Variants in PRRC2B observed in about 807,000 individuals in gnomAD.
PRRC2B encodes the protein proline rich coiled-coil 2B, also known as protein PRRC2B.
A neutral mutation model predicts 242.3 loss-of-function variants in PRRC2B; 68 were observed. The ratio of observed to expected loss-of-function variants is 0.28; its 90% CI spans 0.23 to 0.34. PRRC2B has a LOEUF of 0.34. Among genes scored for constraint, PRRC2B ranks in the 10% least tolerant of loss-of-function variants. The pLI is 1.00. For synonymous variants in PRRC2B, 1,228 were observed against 1,173.6 expected (o/e 1.05, Z -0.95); for missense variants, 2,835 against 2,954.8 (o/e 0.96, Z 0.94).
intron 1 of PRRC2B, among the ~76,000 whole-genome samples, chr9:131,379,127 C>T (rs1377000189): frequency 1.3e-5 from 2 of 152,132 alleles, no homozygotes; most frequent in Non-Finnish European, 2.9e-5. Context: ...TAGCATAACG[C>T]CTTTCAGCTT....
At chr9:131,421,484 AGCCTGCTATCAATTTCCAT>A (rs1323597808) in intron 1 of PRRC2B, among the ~76,000 whole-genome samples, 6 of 152,228 alleles carry the variant, frequency 3.9e-5, no homozygotes, top group African/African-American at 1.4e-4. Context: ...GCGTTTATCC[AGCCTGCTATCAATTTCCAT>A]GCCTGTGGAA....
At chr9:131,493,093 G>C (rs1016518265) in intron 30 of PRRC2B, among the ~76,000 whole-genome samples, 1 of 152,098 alleles carries the variant, frequency 6.6e-6, no homozygotes, top group Non-Finnish European at 1.5e-5. Flanking sequence ...CTGCAAGCCG[G>C]GCCCCCATGG....
At chr9:131,462,090 A>G (rs954341962) in intron 11 of PRRC2B, among the ~76,000 whole-genome samples, 6 of 152,138 alleles carry the variant, frequency 3.9e-5, no homozygotes, top group Non-Finnish European at 8.8e-5. Flanking sequence ...AGTAGTGCTG[A>G]TCAGTATTCA....
rs751989959 is a variant in PRRC2B, at chr9:131,451,408, A to ATC, written c.1120+3604_1120+3605insTC. On this transcript the variant is annotated intron_variant, in intron 9 of 31. Transcript: ENST00000683519. ...AGCGAGACTCCATCTCAAAAAAAAA[A>ATC]GAAAATACAGTTGATTTTTTTGTGT... Among the ~76,000 whole-genome samples the ATC allele has an allele frequency of 8.7e-4, 133 of 152,220 alleles. 1 individual carries two copies. The highest frequency in any genetic ancestry group is 3.4e-3 in the Middle Eastern group (1 of 294).
At chr9:131,477,628 C>A in intron 16 of PRRC2B, 116 bp from the exon 17 acceptor site, 1 of 648,936 alleles carries the variant, frequency 1.5e-6, no homozygotes, top group Non-Finnish European at 2.7e-6. Flanking sequence ...CCCGAGGAGT[C>A]AGCTAGAGGA....
chr9:131,447,823 G>A lies in PRRC2B; in HGVS notation c.1120+19G>A, dbSNP rs555083855. The stretch of plus-strand genomic sequence containing the variant: ...TGGGCAGGTGGGCAGAGAAGCACGG[G>A]TGGTTTAGACGGGCAGGACCAAAGT... On this transcript the variant is annotated intron_variant, in intron 9 of 31. Transcript: ENST00000683519. 48 of 1,605,846 alleles carry A rather than the reference G, an allele frequency of 3.0e-5. No individual in the cohort carries two copies. The South Asian group carries it at 5.0e-4, about 17-fold the overall frequency.
At position 131,385,971 on chromosome 9, in the gene PRRC2B, G is replaced by A. The variant is rs1008110165; in HGVS notation, c.-56+12240G>A. Among the ~76,000 whole-genome samples, 9 of 150,498 alleles carry A rather than the reference G, an allele frequency of 6.0e-5. 2 individuals carry two copies. In the Admixed American group the frequency reaches 6.2e-4, roughly 10 times the overall value. ...GCCTCCCAAAGTGCTGGGATTACAG[G>A]CGTGAACCACGGCGCCCGGCCATCA... On this transcript the variant is annotated intron_variant, in intron 1 of 1. Transcript: ENST00000682525.
chr9:131,421,390 G>A (rs576904214), intron 1 of PRRC2B, among the ~76,000 whole-genome samples: 23 of 152,316 alleles, frequency 1.5e-4, no homozygotes, highest in South Asian at 6.2e-4. Flanking sequence ...CCTGGATTTC[G>A]TGGTGATGGT....
At chr9:131,452,108 ATAAGATTGGTATTT>A (rs1942940864) in intron 9 of PRRC2B, among the ~76,000 whole-genome samples, 1 of 8,186 alleles carries the variant, frequency 1.2e-4, no homozygotes, top group Admixed American at 1.2e-3. Context: ...TAAGATCAGT[ATAAGATTGGTATTT>A]TTGTAAGATC....
chr9:131,447,005 A>G, intron 7 of PRRC2B, 80 bp from the exon 8 acceptor site: 1 of 1,578,474 alleles, frequency 6.3e-7, no homozygotes, highest in Non-Finnish European at 8.7e-7. Flanking sequence ...TTTCCACTTT[A>G]TAAAACACAT....
chr9:131,404,242 G>C (rs1488784237), intron 1 of PRRC2B, among the ~76,000 whole-genome samples: 1 of 144,214 alleles, frequency 6.9e-6, no homozygotes, highest in African/African-American at 2.6e-5. Flanking sequence ...TTTTGGTGGT[G>C]GGGACAGAGT....
At chr9:131,430,327 T>C in intron 2 of PRRC2B, 68 bp downstream of exon 2, 1 of 957,824 alleles carries the variant, frequency 1.0e-6, no homozygotes, top group Non-Finnish European at 1.6e-6. Context: ...AAACCCAGAG[T>C]CCCTCACCTG....
intron 16 of PRRC2B, among the ~76,000 whole-genome samples, chr9:131,477,261 C>T (rs1387722084): frequency 1.3e-5 from 2 of 152,226 alleles, no homozygotes; most frequent in East Asian, 3.9e-4. Context: ...CACCTCCACT[C>T]TCCTTAGAAT....
chr9:131,394,677 T>TCCCCG (rs907736471), intron 1 of PRRC2B, among the ~76,000 whole-genome samples: 4 of 151,164 alleles, frequency 2.6e-5, no homozygotes, highest in Admixed American at 6.6e-5. Context: ...GCGTCTTTGC[T>TCCCCG]CCCCGCCCCG....
intron 1 of PRRC2B, among the ~76,000 whole-genome samples, chr9:131,417,505 C>T (rs1345047124): frequency 1.3e-5 from 2 of 152,124 alleles, no homozygotes; most frequent in African/African-American, 4.8e-5. Flanking sequence ...CTGCCACCTC[C>T]TACGACCTCC....
Position 131,474,971 on chromosome 9 carries a change from A to G in PRRC2B, c.2842A>G (p.Lys948Glu). 6.3e-7 allele frequency: 1 copy of G among 1,598,070 alleles called. No homozygotes were observed. The highest frequency in any genetic ancestry group is 8.5e-7 in the Non-Finnish European group (1 of 1,172,562). Residue 948 changes from lysine (K) to glutamate (E), a missense_variant, in exon 16 of 32, where the codon AAA becomes GAA. Lys to Glu is a moderately conservative substitution (Grantham distance 56). Coordinates refer to ENST00000683519, the MANE Select transcript of PRRC2B (RefSeq NM_013318.4). ...GGGACCCATCAAGAAACCAGTCCTG[A>G]AAGCCCTCAAGGTGGAAGACAAGGA... Reference protein sequence around the residue: ...RSGPIKKPVLKALKVEDKEKE... With the variant: ...RSGPIKKPVLEALKVEDKEKE...
intron 6 of PRRC2B, among the ~76,000 whole-genome samples, chr9:131,444,560 C>G (rs1034094112): frequency 1.3e-5 from 2 of 152,176 alleles, no homozygotes; most frequent in Non-Finnish European, 2.9e-5. Flanking sequence ...TCCCCTCCCC[C>G]TCTGTCATCC....
Position 131,467,048 on chromosome 9 carries a change from G to A in PRRC2B, c.1721-515G>A, listed in dbSNP as rs1033860416. Among the ~76,000 whole-genome samples, 24 of 152,040 alleles carry A rather than the reference G, an allele frequency of 1.6e-4. 1 individual carries two copies. The highest frequency in any genetic ancestry group is 5.1e-4 in the African/African-American group (21 of 41,482). On this transcript the variant is annotated intron_variant, in intron 12 of 31. Coordinates refer to ENST00000683519, the MANE Select transcript of PRRC2B (RefSeq NM_013318.4). ...TATCTCCTGACCTCGTGATCCATCC[G>A]CCTCGGCCTCCCAAAGTGCTGGGAT...
At chr9:131,435,408 A>T (rs1243112929) in intron 3 of PRRC2B, among the ~76,000 whole-genome samples, 1 of 152,164 alleles carries the variant, frequency 6.6e-6, no homozygotes, top group Non-Finnish European at 1.5e-5. Context: ...TGAGGTCAGG[A>T]GTTCAAGACT....
Sources: gnomAD v4.1 joint callset for allele counts (sites outside exome capture counted in the v4.1 genomes callset) on GRCh38, gnomAD v4.1.1 for gene constraint, MANE v1.5 for transcripts, NCBI Gene and HGNC (gene_info 2026-07-23, HGNC 2026-07-21) for gene names.